The following PRR29 variants were observed in gnomAD, a reference collection of about 807,000 sequenced individuals.
PRR29 encodes the protein proline-rich protein 29.
A neutral mutation model predicts 25.1 loss-of-function variants in PRR29; 20 were observed. The ratio of observed to expected loss-of-function variants is 0.80; its 90% CI spans 0.56 to 1.16. PRR29 has a LOEUF of 1.16. PRR29 is among the 50% of genes most tolerant of loss of function. The probability of loss-of-function intolerance (pLI) is 0.00; values close to 1 mark genes in which losing one functional copy is unlikely to be tolerated. For synonymous variants in PRR29, 108 were observed against 102.6 expected (o/e 1.05, Z -0.32); for missense variants, 238 against 246.6 (o/e 0.97, Z 0.23).
chr17:64,002,849 G>T lies in PRR29; in HGVS notation c.*1088G>T. On this transcript the variant is annotated 3_prime_UTR_variant, in exon 6 of 6. Transcript: ENST00000412177. ...GCTGGCCGAAGATGAAGCAGAGCAG[G>T]ACAGATGTCACGAACAGGGACAGCA... 1.2e-6 allele frequency: 2 copies of T among 1,614,008 alleles called. No individual in the cohort carries two copies. Among genetic ancestry groups the T allele is most frequent in the Non-Finnish European group, 1.7e-6 (2 of 1,179,990 alleles).
At chr17:64,001,604 G>A in intron 5 of PRR29, 67 bp downstream of exon 5, 1 of 1,492,378 alleles carries the variant, frequency 6.7e-7, no homozygotes, top group Admixed American at 2.3e-5. Context: ...GGAGGGCCCT[G>A]TGCCCTCTGG....
intron 3 of PRR29, among the ~76,000 whole-genome samples, chr17:64,000,127 C>A (rs375873937): frequency 1.4e-4 from 21 of 152,144 alleles, no homozygotes; most frequent in African/African-American, 5.1e-4. Context: ...TCAGTGATGA[C>A]ACATAGGTGG....
chr17:63,998,569 A>G, intron 1 of PRR29, 138 bp from the exon 2 acceptor site: 3 of 1,140,498 alleles, frequency 2.6e-6, no homozygotes, highest in Non-Finnish European at 3.7e-6. Flanking sequence ...GGCAGGGAGC[A>G]GGGAGGCCGC....
chr17:64,003,759 C>T lies in PRR29; in HGVS notation c.*1998C>T, dbSNP rs201080008. 14 of 1,614,228 alleles carry T rather than the reference C, an allele frequency of 8.7e-6. No individual in the cohort carries two copies. Among genetic ancestry groups the T allele is most frequent in the African/African-American group, 4.0e-5 (3 of 75,066 alleles). On this transcript the variant is annotated 3_prime_UTR_variant, in exon 6 of 6. Coordinates refer to ENST00000412177, the MANE Select transcript of PRR29 (RefSeq NM_001164257.2). ...TGCGGTGGCCATCCTCTCTGTCAGC[C>T]GTGCTGTTGAATGTGGCTGTGGCCT...
chr17:63,999,455 G>A (rs1245119283), intron 3 of PRR29: 1 of 276,070 alleles, frequency 3.6e-6, no homozygotes, highest in Non-Finnish European at 7.0e-6. Flanking sequence ...ATGAATAAAT[G>A]AATGGTTAGG....
Position 63,999,067 on chromosome 17 carries a change from GC to G in PRR29, c.239del (p.Pro80LeufsTer37), listed in dbSNP as rs1383780109. On this transcript the variant is annotated frameshift_variant, in exon 3 of 6. Coordinates refer to ENST00000412177, the MANE Select transcript of PRR29 (RefSeq NM_001164257.2). LOFTEE classifies it high-confidence loss of function. ...GALQPRPASP[C>X]PQVYLEVPQE... is the part of the protein sequence containing the mutation. ...CTGCAGCCCCGGCCTGCCTCGCCCT[GC>G]CCTCAGGTGCGTGTGGGTGGGCCGC... 2.6e-6 allele frequency: 4 copies of G among 1,534,996 alleles called. No homozygotes were observed. Among genetic ancestry groups the G allele is most frequent in the South Asian group, 2.4e-5 (2 of 84,000 alleles).
In PRR29 at chr17:64,002,400, G is replaced by A. The variant is rs1030440921; in HGVS notation, c.*639G>A. 4 of 401,916 alleles carry A rather than the reference G, an allele frequency of 1.0e-5. No homozygotes were observed. Among genetic ancestry groups the A allele is most frequent in the Non-Finnish European group, 1.8e-5 (4 of 216,990 alleles). The allele number at this position is 401,916 out of a possible 1,614,324, so 24.9% of individuals were successfully genotyped here. On this transcript the variant is annotated 3_prime_UTR_variant, in exon 6 of 6. Coordinates refer to ENST00000412177, the MANE Select transcript of PRR29 (RefSeq NM_001164257.2). ...GGGAACAGTGTGTCCTCTGCCCCCT[G>A]GGCCAGGGTGTGTTTCCCCCACCCT...
rs1314141518 is a variant in PRR29 at position 63,998,973 on chromosome 17, C to T, written c.142C>T (p.Leu48=). Residue 48 remains leucine, a synonymous_variant, in exon 3 of 6, where the codon CTG becomes TTG. Coordinates refer to ENST00000412177, the MANE Select transcript of PRR29 (RefSeq NM_001164257.2). ...PQPGRVKEDL[L]ELMMLQNAQM... ...TGCTGAACCCCGCTTCCTAGACCTG[C>T]TGGAACTGATGATGCTGCAGAACGC... 1 of 1,536,198 alleles carries T rather than the reference C, an allele frequency of 6.5e-7. No individual in the cohort carries two copies. Among genetic ancestry groups the T allele is most frequent in the African/African-American group, 1.4e-5 (1 of 73,030 alleles).
rs1350614353 is a variant in PRR29 at position 63,998,752 on chromosome 17, G to C, written c.106G>C (p.Ala36Pro). Reference protein sequence around the residue: ...LQPLSWAVPPAPPQPGRVKED... With the variant: ...LQPLSWAVPPPPPQPGRVKED... ...GCCCCTCTCGTGGGCCGTCCCACCT[G>C]CGCCCCCGCAGCCAGGCCGCGTGAA... Residue 36 changes from alanine to proline, a missense_variant, in exon 2 of 6, where the codon GCG becomes CCG. Ala to Pro is a conservative substitution (Grantham distance 27). Transcript: ENST00000412177. 6.6e-7 allele frequency: 1 copy of C among 1,523,302 alleles called. No individual in the cohort carries two copies. Among genetic ancestry groups the C allele is most frequent in the East Asian group, 2.5e-5 (1 of 40,528 alleles). The allele number at this position is 1,523,302 out of a possible 1,614,324, so 94.4% of individuals were successfully genotyped here. A position where few individuals can be genotyped will look rare whatever the true frequency, so the allele number is the denominator to read the frequency against.
rs1398625702 is a variant in PRR29 at position 64,002,012 on chromosome 17, C to T, written c.*251C>T. The T allele has an allele frequency of 4.0e-5, 61 of 1,526,732 alleles. No individual in the cohort carries two copies. Among genetic ancestry groups the T allele is most frequent in the East Asian group, 7.4e-5 (3 of 40,806 alleles). The allele number at this position is 1,526,732 out of a possible 1,614,324, so 94.6% of individuals were successfully genotyped here. A position where few individuals can be genotyped will look rare whatever the true frequency, so the allele number is the denominator to read the frequency against. On this transcript the variant is annotated 3_prime_UTR_variant, in exon 6 of 6. Transcript: ENST00000412177. ...AGCACCACCCAGGCCCTTGAAGCCA[C>T]GTCAGCCCGCCTCTGCCCCACTGCT...
In PRR29 at chr17:64,003,440, A is replaced by G; in HGVS notation, c.*1679A>G. ...TTGATGGTGGCCGAGGAACTAGTTG[A>G]CCTCTCCCGACCTCTGGAGCAGTTG... is the stretch of plus-strand genomic sequence containing the variant. On this transcript the variant is annotated 3_prime_UTR_variant, in exon 6 of 6. Transcript: ENST00000412177. The G allele has an allele frequency of 1.7e-6, 1 of 590,808 alleles. No homozygotes were observed. Among genetic ancestry groups the G allele is most frequent in the East Asian group, 2.8e-5 (1 of 35,092 alleles). 36.6% of individuals were successfully genotyped at this position (590,808 alleles called of 1,614,324 possible).
rs565156038 is a variant in PRR29, at chr17:64,002,818, G to A, written c.*1057G>A. ...CCGTAGGTGCCCATCCGCTGCTGGC[G>A]CAAGTGCTGGCCGAAGATGAAGCAG... On this transcript the variant is annotated 3_prime_UTR_variant, in exon 6 of 6. Transcript: ENST00000412177. 75 of 1,613,878 alleles carry A rather than the reference G, an allele frequency of 4.6e-5. No individual in the cohort carries two copies. Among genetic ancestry groups the A allele is most frequent in the East Asian group, 2.7e-4 (12 of 44,876 alleles).
chr17:63,999,191 C>T (rs991796220), intron 3 of PRR29, 117 bp downstream of exon 3: 4 of 779,874 alleles, frequency 5.1e-6, no homozygotes, highest in South Asian at 3.3e-5. Flanking sequence ...GAAGCCAGCC[C>T]GTCTCTCTGG....
intron 2 of PRR29, 52 bp from the exon 3 acceptor site, chr17:63,998,916 G>A: frequency 6.7e-7 from 1 of 1,501,200 alleles, no homozygotes; most frequent in East Asian, 2.5e-5. Flanking sequence ...GGGGTGTCAG[G>A]GGGAGGGGGA....
In PRR29 at chr17:63,998,763, G is replaced by A; in HGVS notation, c.117G>A (p.Gln39=). Residue 39 remains glutamine, a synonymous_variant, in exon 2 of 6, where the codon CAG becomes CAA. Transcript: ENST00000412177. ...LSWAVPPAPP[Q]PGRVKEDLLE... Reference sequence around the variant, plus strand: ...GGGCCGTCCCACCTGCGCCCCCGCAGCCAGGCCGCGTGAAGGAAGGTGAGA... The same window carrying A: ...GGGCCGTCCCACCTGCGCCCCCGCAACCAGGCCGCGTGAAGGAAGGTGAGA... 2.6e-6 allele frequency: 4 copies of A among 1,528,248 alleles called. No homozygotes were observed. Among genetic ancestry groups the A allele is most frequent in the Non-Finnish European group, 3.5e-6 (4 of 1,143,022 alleles). 94.7% of individuals were successfully genotyped at this position (1,528,248 alleles called of 1,614,324 possible).
At position 63,998,797 on chromosome 17, in the gene PRR29, TCCCCCCACCCCA is replaced by T; in HGVS notation, c.136+21_136+32del. 1 of 1,062,598 alleles carries T rather than the reference TCCCCCCACCCCA, an allele frequency of 9.4e-7. No homozygotes were observed. Among genetic ancestry groups the T allele is most frequent in the Non-Finnish European group, 1.3e-6 (1 of 761,698 alleles). The allele number at this position is 1,062,598 out of a possible 1,614,324, so 65.8% of individuals were successfully genotyped here. On this transcript the variant is annotated intron_variant, in intron 2 of 5. Transcript: ENST00000412177. ...CGTGAAGGAAGGTGAGACTCCCGGG[TCCCCCCACCCCA>T]CCCCCACCATCACCACCACTCACCC...
At position 64,001,269 on chromosome 17, in the gene PRR29, G is replaced by C. The variant is rs1436518432; in HGVS notation, c.429G>C (p.Val143=). The C allele has an allele frequency of 3.3e-6, 5 of 1,537,232 alleles. No homozygotes were observed. The highest frequency in any genetic ancestry group is 4.4e-6 in the Non-Finnish European group (5 of 1,146,904). The change falls in exon 4 of 6, where the codon GTG becomes GTC. Residue 143 remains valine, a synonymous_variant. Transcript: ENST00000412177. Reference sequence around the variant, plus strand: ...CTTGTCAGCCCTACTTGCAGGACGTGCCCAGGATTCAGCACTGTCCTGCCT... The same window carrying C: ...CTTGTCAGCCCTACTTGCAGGACGTCCCCAGGATTCAGCACTGTCCTGCCT... ...TPACQPYLQD[V]PRIQHCPASR... is the part of the protein sequence containing the mutation.
rs1266695661 is a variant in PRR29, at chr17:64,003,307, AGG to A, written c.*1548_*1549del. 2.3e-6 allele frequency: 1 copy of A among 442,414 alleles called. No individual in the cohort carries two copies. The allele number at this position is 442,414 out of a possible 1,614,324, so 27.4% of individuals were successfully genotyped here. ...CAGGCTCCCTGTGTGCCGGCCGTCC[AGG>A]GTCACCAAGCAGCAGAGCTCTGGGG... On this transcript the variant is annotated 3_prime_UTR_variant, in exon 6 of 6. Transcript: ENST00000412177.
chr17:63,999,401 C>A, intron 3 of PRR29: 1 of 426,406 alleles, frequency 2.3e-6, no homozygotes, highest in Non-Finnish European at 4.2e-6. Context: ...GGCCTGGTGC[C>A]TGACACCGTG....
Sources: allele counts gnomAD v4.1 joint callset (sites outside exome capture counted in the v4.1 genomes callset), GRCh38; gene constraint gnomAD v4.1.1; transcripts MANE v1.5; gene names NCBI Gene and HGNC (gene_info 2026-07-23, HGNC 2026-07-21).